The following FBN2 variants were observed in gnomAD, a reference collection of about 807,000 sequenced individuals.
FBN2 encodes the protein fibrillin 2.
FBN2 carries 105 observed loss-of-function variants against 355.6 expected under a neutral mutation model. The ratio of observed to expected loss-of-function variants is 0.30; its 90% CI spans 0.25 to 0.35. The LOEUF is 0.35. Among genes scored for constraint, FBN2 ranks in the 10% least tolerant of loss-of-function variants. The pLI is 1.00. For synonymous variants in FBN2, 1,350 were observed against 1,301.2 expected, an observed-to-expected ratio of 1.04 and a Z score of -0.81; for missense variants, 3,280 against 3,758.7, an observed-to-expected ratio of 0.87 and a Z score of 3.33.
chr5:128,288,585 C>G (rs767977254), intron 52 of FBN2, 28 bp from the exon 53 acceptor site: 1 of 1,611,098 alleles, frequency 6.2e-7, no homozygotes, highest in African/African-American at 1.3e-5. Context: ...GAAACTGCCA[C>G]AAAGATGTTT....
chr5:128,438,368 T>C (rs1033115354), intron 7 of FBN2, among the ~76,000 whole-genome samples: 3 of 152,258 alleles, frequency 2.0e-5, no homozygotes, highest in Non-Finnish European at 2.9e-5. Context: ...CCATCTTTGA[T>C]CTGTCCCTTA....
intron 4 of FBN2, among the ~76,000 whole-genome samples, chr5:128,519,843 G>A (rs1756382878): frequency 6.6e-6 from 1 of 151,424 alleles, no homozygotes; most frequent in South Asian, 2.1e-4. Flanking sequence ...AAAATGATAT[G>A]GCAATAAAGG....
At chr5:128,320,047 T>G (rs1184158879) in intron 34 of FBN2, among the ~76,000 whole-genome samples, 2 of 152,224 alleles carry the variant, frequency 1.3e-5, no homozygotes, top group East Asian at 1.9e-4. Context: ...ATTTAAGGTA[T>G]GGTTCCAATC....
At chr5:128,296,046 A>G (rs1749499312) in intron 48 of FBN2, among the ~76,000 whole-genome samples, 1 of 152,166 alleles carries the variant, frequency 6.6e-6, no homozygotes, top group African/African-American at 2.4e-5. Flanking sequence ...TTTAGCATGA[A>G]GCACTGTTGA....
intron 8 of FBN2, among the ~76,000 whole-genome samples, chr5:128,400,235 A>G (rs1427269433): frequency 6.6e-6 from 1 of 152,064 alleles, no homozygotes; most frequent in East Asian, 1.9e-4. Context: ...AAATAAACCA[A>G]AAGAAAATAT....
intron 5 of FBN2, among the ~76,000 whole-genome samples, chr5:128,497,657 G>T (rs988462468): frequency 6.6e-6 from 1 of 152,102 alleles, no homozygotes; most frequent in South Asian, 2.1e-4. Context: ...AAAAGGGGGT[G>T]TTTTTTCTAG....
At chr5:128,483,421 T>C (rs1755248964) in intron 5 of FBN2, among the ~76,000 whole-genome samples, 1 of 152,114 alleles carries the variant, frequency 6.6e-6, no homozygotes, top group African/African-American at 2.4e-5. Flanking sequence ...TTATGAGAAG[T>C]GACATCCAAC....
At chr5:128,285,087 A>T (rs1014960893) in intron 55 of FBN2, among the ~76,000 whole-genome samples, 2 of 152,208 alleles carry the variant, frequency 1.3e-5, no homozygotes, top group Non-Finnish European at 2.9e-5. Context: ...TGCATAGTCA[A>T]GTTTCCGTCT....
At chr5:128,460,871 T>G (rs550958036) in intron 6 of FBN2, among the ~76,000 whole-genome samples, 101 of 152,128 alleles carry the variant, frequency 6.6e-4, no homozygotes, top group South Asian at 1.2e-3. Flanking sequence ...ATTAAAGACT[T>G]AAATGTAAAA....
chr5:128,336,852 A>G (rs1243394644), intron 27 of FBN2, among the ~76,000 whole-genome samples: 1 of 152,258 alleles, frequency 6.6e-6, no homozygotes, highest in African/African-American at 2.4e-5. Flanking sequence ...GGTATAAGGT[A>G]AGGTAAAAAA....
intron 6 of FBN2, among the ~76,000 whole-genome samples, chr5:128,450,386 C>A (rs1210222762): frequency 1.3e-5 from 2 of 152,006 alleles, no homozygotes; most frequent in Admixed American, 6.5e-5. Flanking sequence ...AGGAAAAAAT[C>A]TGGAACAACC....
In FBN2 at chr5:128,537,607, CG is replaced by C. The variant is rs1581380562; in HGVS notation, c.-5del. On this transcript the variant is annotated 5_prime_UTR_variant, in exon 1 of 65. Transcript: ENST00000262464. ...ACAGCCTCCGTCTTCTCCCCATCGC[CG>C]GCGCCGAAAGCGCGCGGCCGTAGAC... 2.5e-6 allele frequency: 4 copies of C among 1,606,790 alleles called. No homozygotes were observed. The East Asian group carries it at 9.0e-5, about 36-fold the overall frequency.
chr5:128,281,129 CT>C lies in FBN2; in HGVS notation c.7013-813del, dbSNP rs749214482. Among the ~76,000 whole-genome samples, 2 of 152,108 alleles carry C rather than the reference CT, an allele frequency of 1.3e-5. 1 individual carries two copies. Among genetic ancestry groups the C allele is most frequent in the South Asian group, 4.1e-4 (2 of 4,828 alleles). On this transcript the variant is annotated intron_variant, in intron 55 of 64. Transcript: ENST00000262464. ...TTGAATATTTTTATTTTCAACCTAT[CT>C]CAGATTTCAATTTTGGTACTACAAT...
At chr5:128,384,129 A>G (rs1447913470) in intron 11 of FBN2, among the ~76,000 whole-genome samples, 2 of 152,160 alleles carry the variant, frequency 1.3e-5, no homozygotes, top group Admixed American at 1.3e-4. Flanking sequence ...GATTTTTCCC[A>G]CCACAACACA....
intron 36 of FBN2, among the ~76,000 whole-genome samples, chr5:128,316,624 G>A (rs1240574503): frequency 6.6e-6 from 1 of 152,164 alleles, no homozygotes; most frequent in East Asian, 1.9e-4. Context: ...TCTACCAGCA[G>A]AACAGAATGC....
At chr5:128,535,716 T>G (rs1019327498) in intron 2 of FBN2, among the ~76,000 whole-genome samples, 3 of 151,480 alleles carry the variant, frequency 2.0e-5, no homozygotes, top group Admixed American at 2.0e-4. Flanking sequence ...AGGTCAGAGA[T>G]ACAGAATTTT....
At chr5:128,342,244 TTAGA>T (rs921712574) in intron 25 of FBN2, among the ~76,000 whole-genome samples, 2 of 151,886 alleles carry the variant, frequency 1.3e-5, no homozygotes, top group Non-Finnish European at 2.9e-5. Context: ...TCTGTAGAGG[TTAGA>T]GAAGAAACAT....
At chr5:128,296,233 G>A (rs1366898662) in intron 48 of FBN2, among the ~76,000 whole-genome samples, 1 of 150,762 alleles carries the variant, frequency 6.6e-6, no homozygotes, top group African/African-American at 2.4e-5. Flanking sequence ...GCTGGATTTG[G>A]TTTGCCAGTA....
intron 62 of FBN2, among the ~76,000 whole-genome samples, chr5:128,267,454 C>T (rs1396685499): frequency 6.6e-6 from 1 of 152,154 alleles, no homozygotes; most frequent in Admixed American, 6.5e-5. Context: ...TAAAAGTTTT[C>T]CTATTTCTCC....
Sources: gnomAD v4.1 joint callset for allele counts (sites outside exome capture counted in the v4.1 genomes callset) on GRCh38, gnomAD v4.1.1 for gene constraint, MANE v1.5 for transcripts, NCBI Gene and HGNC (gene_info 2026-07-23, HGNC 2026-07-21) for gene names.